EDEM1: variants seen among roughly 807,000 people sequenced by gnomAD.
EDEM1 encodes the protein ER degradation enhancing alpha-mannosidase like protein 1, also known as ER degradation-enhancing alpha-mannosidase-like protein 1.
EDEM1 carries 67 observed loss-of-function variants against 74.4 expected under a neutral mutation model. The observed-to-expected ratio is 0.90, with a 90% CI of 0.74 to 1.10. EDEM1 has a LOEUF of 1.10. Ranked by LOEUF, EDEM1 falls within the 50% of genes least tolerant of loss-of-function variation. EDEM1 has a pLI of 0.00. For missense variants in EDEM1, 926 were observed against 851.6 expected (o/e 1.09, Z -1.09); for synonymous variants, 382 against 335.9 (o/e 1.14, Z -1.50).
At chr3:5,199,481 TG>T in intron 2 of EDEM1, 110 bp from the exon 3 acceptor site, 1 of 702,532 alleles carries the variant, frequency 1.4e-6, no homozygotes, top group Non-Finnish European at 2.4e-6. Context: ...TCTACTCCTA[TG>T]GTAGCAAAAC....
chr3:5,213,359 G>A lies in EDEM1; in HGVS notation c.1721G>A (p.Arg574Lys), dbSNP rs537646636. Residue 574 changes from arginine to lysine, a missense_variant, in exon 11 of 12, where the codon AGA becomes AAA. Coordinates refer to ENST00000256497, the MANE Select transcript of EDEM1 (RefSeq NM_014674.3). ...EDNPVHKSGT[R>K]YMFTTEGHIV... ...AATCCAGTACACAAGTCTGGAACCA[G>A]ATACATGTTCACAACAGAGGGACAC... is the stretch of plus-strand genomic sequence containing the variant. The A allele has an allele frequency of 1.2e-5, 20 of 1,614,046 alleles. 1 individual carries two copies. The Middle Eastern group carries it at 2.5e-3, about 200-fold the overall frequency.
chr3:5,208,386 T>C, intron 8 of EDEM1, 123 bp downstream of exon 8: 2 of 1,168,080 alleles, frequency 1.7e-6, no homozygotes, highest in Non-Finnish European at 2.4e-6. Flanking sequence ...TCTGATTGAG[T>C]TACCCCCTAT....
chr3:5,212,892 G>C (rs1275950550), intron 10 of EDEM1, among the ~76,000 whole-genome samples: 1 of 152,232 alleles, frequency 6.6e-6, no homozygotes, highest in African/African-American at 2.4e-5. Flanking sequence ...GGAAATGGTG[G>C]TGGATAAAAC....
chr3:5,191,777 G>C lies in EDEM1; in HGVS notation c.510-3432G>C, dbSNP rs190107564. Among the ~76,000 whole-genome samples, 208 of 152,266 alleles carry C rather than the reference G, an allele frequency of 1.4e-3. 1 individual carries two copies. The highest frequency in any genetic ancestry group is 4.9e-3 in the African/African-American group (203 of 41,554). On this transcript the variant is annotated intron_variant, in intron 1 of 11. Transcript: ENST00000256497. ...GAATAAAACCTGAACACTCTAAAAA[G>C]AGCAGATCTGTCTAAGATAACTATG... is the stretch of plus-strand genomic sequence containing the variant.
Position 5,217,442 on chromosome 3 carries a change from C to T in EDEM1, c.*1524C>T, listed in dbSNP as rs1169800319. On this transcript the variant is annotated 3_prime_UTR_variant, in exon 12 of 12. Transcript: ENST00000256497. Reference sequence around the variant, plus strand: ...TTCCCACCTCTAAGGATTTCATGTACATCTTTTCAAAGCTAGAAATAAGCA... The same window carrying T: ...TTCCCACCTCTAAGGATTTCATGTATATCTTTTCAAAGCTAGAAATAAGCA... 6.6e-6 allele frequency: 1 copy of T among 152,596 alleles called. No individual in the cohort carries two copies. The highest frequency in any genetic ancestry group is 2.4e-5 in the African/African-American group (1 of 41,430). 9.5% of individuals were successfully genotyped at this position (152,596 alleles called of 1,614,324 possible).
Position 5,217,908 on chromosome 3 carries a change from G to A in EDEM1, c.*1990G>A, listed in dbSNP as rs74573705. The A allele has an allele frequency of 0.061, 9,364 of 152,288 alleles. 411 individuals are homozygous for A. The highest frequency in any genetic ancestry group is 0.12 in the African/African-American group (5,168 of 41,534). 9.4% of individuals were successfully genotyped at this position (152,288 alleles called of 1,614,324 possible). ...AAAATAGAGCATCTCAGAGAAGGAG[G>A]TGAGTTCTTCCTGCCTGTGATTTCT... On this transcript the variant is annotated 3_prime_UTR_variant, in exon 12 of 12. Coordinates refer to ENST00000256497, the MANE Select transcript of EDEM1 (RefSeq NM_014674.3).
chr3:5,219,667 T>C lies in EDEM1; in HGVS notation c.*3749T>C, dbSNP rs764561097. The C allele has an allele frequency of 1.3e-5, 2 of 152,658 alleles. No individual in the cohort carries two copies. Among genetic ancestry groups the C allele is most frequent in the Non-Finnish European group, 2.9e-5 (2 of 68,048 alleles). The allele number at this position is 152,658 out of a possible 1,614,324, so 9.5% of individuals were successfully genotyped here. On this transcript the variant is annotated 3_prime_UTR_variant, in exon 12 of 12. Transcript: ENST00000256497. ...AATAGCAAAACACAAGCTGCATTTT[T>C]ATTTATTTTGCATAAGAAAGGTAAA...
chr3:5,209,338 G>A (rs752511113), intron 8 of EDEM1, among the ~76,000 whole-genome samples: 29 of 152,112 alleles, frequency 1.9e-4, no homozygotes, highest in Non-Finnish European at 8.8e-5. Flanking sequence ...ATGGCGTGCC[G>A]GTTACTGGCT....
In EDEM1 at chr3:5,215,860, C is replaced by T. The variant is rs756385300; in HGVS notation, c.1916C>T (p.Ser639Phe). Residue 639 changes from serine to phenylalanine, a missense_variant, in exon 12 of 12, where the codon TCC becomes TTC. Transcript: ENST00000256497. ...CGTGTACCTGATGAGAGGAGGTACT[C>T]CCTGCCCTTAAAGAGCATCTACATG... The part of the protein sequence containing the change: ...CNRVPDERRY[S>F]LPLKSIYMRQ... 2 of 1,613,010 alleles carry T rather than the reference C, an allele frequency of 1.2e-6. No homozygotes were observed.
In EDEM1 at chr3:5,211,113, T is replaced by A; in HGVS notation, c.1584-7T>A. On this transcript the variant is annotated splice_polypyrimidine_tract_variant and splice_region_variant and intron_variant, in intron 9 of 11. Coordinates refer to ENST00000256497, the MANE Select transcript of EDEM1 (RefSeq NM_014674.3). Reference sequence around the variant, plus strand: ...GAGGCAGGACTGACCAGATGATTGTTTTGTAGGTGTGGGTACGCCACGCTG... The same window carrying A: ...GAGGCAGGACTGACCAGATGATTGTATTGTAGGTGTGGGTACGCCACGCTG... 1 of 1,613,846 alleles carries A rather than the reference T, an allele frequency of 6.2e-7. No individual in the cohort carries two copies. Among genetic ancestry groups the A allele is most frequent in the Non-Finnish European group, 8.5e-7 (1 of 1,179,890 alleles).
Position 5,196,009 on chromosome 3 carries a change from T to A in EDEM1, c.582+728T>A, listed in dbSNP as rs189301364. Reference sequence around the variant, plus strand: ...AGTGTTGTTTTAAAATCTTCTTAGTTAAGGTGATTTTTACAACCTCTTTGC... The same window carrying A: ...AGTGTTGTTTTAAAATCTTCTTAGTAAAGGTGATTTTTACAACCTCTTTGC... On this transcript the variant is annotated intron_variant, in intron 2 of 11. Transcript: ENST00000256497. Among the ~76,000 whole-genome samples, 207 of 152,350 alleles carry A rather than the reference T, an allele frequency of 1.4e-3. 1 individual carries two copies. The highest frequency in any genetic ancestry group is 4.9e-3 in the African/African-American group (202 of 41,580).
intron 6 of EDEM1, 58 bp downstream of exon 6, chr3:5,205,299 A>G: frequency 6.5e-7 from 1 of 1,534,530 alleles, no homozygotes; most frequent in Non-Finnish European, 8.8e-7. Flanking sequence ...TGCATTCTGA[A>G]GCGTTTGTAT....
chr3:5,187,997 G>A lies in EDEM1; in HGVS notation c.192G>A (p.Gly64=). 2.6e-6 allele frequency: 4 copies of A among 1,512,168 alleles called. No homozygotes were observed. The South Asian group carries it at 3.7e-5, about 14-fold the overall frequency. The allele number at this position is 1,512,168 out of a possible 1,614,324, so 93.7% of individuals were successfully genotyped here. A position where few individuals can be genotyped will look rare whatever the true frequency, so the allele number is the denominator to read the frequency against. ...SPTSGPVGRP[G]GVSGPSWLQP... ...CCTCGGGGCCCGTGGGCCGGCCTGGGGGGGTATCCGGGCCGTCGTGGCTGC... is the reference window on the plus strand; with the variant it reads ...CCTCGGGGCCCGTGGGCCGGCCTGGAGGGGTATCCGGGCCGTCGTGGCTGC... The change falls in exon 1 of 12, where the codon GGG becomes GGA. Residue 64 remains glycine (G), a synonymous_variant. Coordinates refer to ENST00000256497, the MANE Select transcript of EDEM1 (RefSeq NM_014674.3).
chr3:5,191,049 T>C (rs2054896599), intron 1 of EDEM1, among the ~76,000 whole-genome samples: 1 of 152,122 alleles, frequency 6.6e-6, no homozygotes, highest in African/African-American at 2.4e-5. Flanking sequence ...AATTATACTT[T>C]TAGTTATTTT....
At chr3:5,207,414 C>G (rs2055112079) in intron 7 of EDEM1, 141 bp downstream of exon 7, 2 of 1,231,784 alleles carry the variant, frequency 1.6e-6, no homozygotes, top group Non-Finnish European at 2.2e-6. Flanking sequence ...CTTCATCTCT[C>G]TGTTTGAGAA....
rs753084561 is a variant in EDEM1 at position 5,188,249 on chromosome 3, C to A, written c.444C>A (p.His148Gln). 1 of 1,579,242 alleles carries A rather than the reference C, an allele frequency of 6.3e-7. No homozygotes were observed. The change falls in exon 1 of 12, where the codon CAC becomes CAA. Residue 148 changes from histidine to glutamine, a missense_variant. Coordinates refer to ENST00000256497, the MANE Select transcript of EDEM1 (RefSeq NM_014674.3). ...TTGGCTACGACAACTACATGGCTCA[C>A]GCCTTCCCCCAGGACGAGCTCAACC... ...FVFGYDNYMA[H>Q]AFPQDELNPI...
At position 5,188,261 on chromosome 3, in the gene EDEM1, G is replaced by C. The variant is rs749736642; in HGVS notation, c.456G>C (p.Gln152His). Residue 152 changes from glutamine (Q) to histidine (H), a missense_variant, in exon 1 of 12, where the codon CAG (glutamine) becomes CAC (histidine). Gln to His is a conservative substitution (Grantham distance 24). Transcript: ENST00000256497. ...ACTACATGGCTCACGCCTTCCCCCA[G>C]GACGAGCTCAACCCCATCCACTGCC... is the stretch of plus-strand genomic sequence containing the variant. ...YDNYMAHAFP[Q>H]DELNPIHCRG... 4 of 1,576,336 alleles carry C rather than the reference G, an allele frequency of 2.5e-6. No homozygotes were observed. The highest frequency in any genetic ancestry group is 3.4e-6 in the Non-Finnish European group (4 of 1,163,574).
intron 10 of EDEM1, among the ~76,000 whole-genome samples, chr3:5,212,708 G>C (rs6766257): frequency 0.015 from 2,243 of 152,300 alleles, 55 homozygotes; most frequent in African/African-American, 0.052. Context: ...CTGCACTGTT[G>C]CATCCCATAT....
intron 3 of EDEM1, among the ~76,000 whole-genome samples, chr3:5,199,940 C>CTT (rs746855500): frequency 7.4e-5 from 10 of 135,376 alleles, no homozygotes; most frequent in East Asian, 2.1e-4. Flanking sequence ...AGATTAAACT[C>CTT]TTTTTTTTTT....
Sources: allele counts gnomAD v4.1 joint callset (sites outside exome capture counted in the v4.1 genomes callset), GRCh38; gene constraint gnomAD v4.1.1; transcripts MANE v1.5; gene names NCBI Gene and HGNC (gene_info 2026-07-23, HGNC 2026-07-21).